Variants in SPECC1 observed in about 807,000 individuals in gnomAD.
SPECC1 encodes sperm antigen with calponin homology and coiled-coil domains 1, also known as cytospin-B.
Under a neutral mutation model 104.1 loss-of-function variants are expected in SPECC1, and 62 were observed. The ratio of observed to expected loss-of-function variants is 0.60; its 90% CI spans 0.49 to 0.74. The LOEUF (loss-of-function observed/expected upper bound fraction) is 0.74. Ranked by LOEUF, SPECC1 falls within the 30% of genes least tolerant of loss-of-function variation. The probability of loss-of-function intolerance (pLI) is 0.00; values close to 1 mark genes in which losing one functional copy is unlikely to be tolerated. For missense variants in SPECC1, 1,306 were observed against 1,310.5 expected (o/e 1.00, Z 0.05); for synonymous variants, 513 against 501.6 (o/e 1.02, Z -0.30).
rs549576967 is a variant in SPECC1 at position 20,105,099 on chromosome 17, T to C, written c.148-5328T>C. The stretch of plus-strand genomic sequence containing the variant: ...TACGCCAACTGCTTTCTCTTTTTTT[T>C]TTCGGTGGGGGGGCGGGAGACAGGG... On this transcript the variant is annotated intron_variant, in intron 2 of 14. Transcript: ENST00000395527. Among the ~76,000 whole-genome samples, 3 of 152,206 alleles carry C rather than the reference T, an allele frequency of 2.0e-5. No individual in the cohort carries two copies. In the South Asian group the frequency reaches 6.2e-4, roughly 32 times the overall value.
intron 12 of SPECC1, among the ~76,000 whole-genome samples, chr17:20,292,352 G>A (rs1567612429): frequency 6.6e-6 from 1 of 151,766 alleles, no homozygotes; most frequent in African/African-American, 2.4e-5. Flanking sequence ...TTGGGGGGGG[G>A]ACGGAGTTAA....
chr17:20,200,384 T>C (rs1479473642), intron 3 of SPECC1, among the ~76,000 whole-genome samples: 3 of 152,248 alleles, frequency 2.0e-5, no homozygotes, highest in Non-Finnish European at 2.9e-5. Context: ...ATGTTTCTTC[T>C]TTATGATTGT....
intron 1 of SPECC1, among the ~76,000 whole-genome samples, chr17:20,045,272 C>T (rs1276639406): frequency 1.3e-5 from 2 of 152,138 alleles, no homozygotes; most frequent in African/African-American, 2.4e-5. Flanking sequence ...ACATCCATAT[C>T]ACTCTTTTTG....
chr17:20,021,243 A>T (rs2044362970), intron 1 of SPECC1, among the ~76,000 whole-genome samples: 1 of 152,158 alleles, frequency 6.6e-6, no homozygotes, highest in South Asian at 2.1e-4. Flanking sequence ...GTAAGTGGAC[A>T]CAGGCAGTTC....
At chr17:20,312,374 C>T (rs1331021127) in intron 14 of SPECC1, among the ~76,000 whole-genome samples, 8 of 152,064 alleles carry the variant, frequency 5.3e-5, no homozygotes, top group Non-Finnish European at 1.5e-5. Context: ...TAACAATGTA[C>T]TAAATATTTT....
At chr17:20,123,049 A>G (rs541560201) in intron 3 of SPECC1, among the ~76,000 whole-genome samples, 1 of 152,310 alleles carries the variant, frequency 6.6e-6, no homozygotes, top group Admixed American at 6.5e-5. Flanking sequence ...GGTGTAGGGT[A>G]AGATTTCTGC....
At chr17:20,199,778 T>G (rs183525221) in intron 3 of SPECC1, among the ~76,000 whole-genome samples, 3 of 151,430 alleles carry the variant, frequency 2.0e-5, no homozygotes, top group African/African-American at 7.3e-5. Flanking sequence ...CAATACTTGT[T>G]ATCTTGTGTC....
chr17:20,304,281 T>A (rs9895177), intron 13 of SPECC1, among the ~76,000 whole-genome samples: 18,125 of 151,884 alleles, frequency 0.12, 1,113 homozygotes, highest in Non-Finnish European at 0.13. Context: ...CAGGGCGAGA[T>A]TCCATCTCAA....
intron 7 of SPECC1, among the ~76,000 whole-genome samples, chr17:20,242,596 G>T (rs1272807790): frequency 6.6e-6 from 1 of 152,170 alleles, no homozygotes; most frequent in Non-Finnish European, 1.5e-5. Flanking sequence ...AAATAACTTG[G>T]TAGTATTTTT....
rs1444464223 is a variant in SPECC1 at position 20,205,074 on chromosome 17, C to A, written c.1025C>A (p.Pro342His). The A allele has an allele frequency of 2.5e-6, 4 of 1,614,052 alleles. No individual in the cohort carries two copies. The highest frequency in any genetic ancestry group is 8.5e-7 in the Non-Finnish European group (1 of 1,180,034). Residue 342 changes from proline to histidine, a missense_variant, in exon 4 of 15, where the codon CCC becomes CAC. Pro to His is a moderately conservative substitution (Grantham distance 77). This residue lies in a region of SPECC1 where 1,177 missense variants were observed against 1,139.9 expected (regional missense o/e 1.03). Coordinates refer to ENST00000395527, the MANE Select transcript of SPECC1 (RefSeq NM_001243439.2). ...ATTACAGCAGAGACACCCTCAAGGC[C>A]CCTGTCCTCCACCAGTAACCCCTTT... The part of the protein sequence containing the change: ...EHITAETPSR[P>H]LSSTSNPFKS...
At chr17:20,261,540 G>A (rs192141738) in intron 12 of SPECC1, among the ~76,000 whole-genome samples, 1 of 146,082 alleles carries the variant, frequency 6.8e-6, no homozygotes, top group Admixed American at 6.8e-5. Context: ...CAAGCTCCCC[G>A]AGCAGTGATG....
intron 7 of SPECC1, chr17:20,237,876 GGGATTACA>G: frequency 3.8e-6 from 1 of 265,592 alleles, no homozygotes; most frequent in Non-Finnish European, 6.2e-6. Flanking sequence ...CCAAGTAGCT[GGGATTACA>G]GGCATGTGCC....
At chr17:20,225,278 C>G (rs190294050) in intron 4 of SPECC1, among the ~76,000 whole-genome samples, 1 of 152,294 alleles carries the variant, frequency 6.6e-6, no homozygotes, top group East Asian at 1.9e-4. Flanking sequence ...GGTGGTGTCT[C>G]ACTGGGTCAT....
intron 3 of SPECC1, among the ~76,000 whole-genome samples, chr17:20,168,384 T>C (rs991345632): frequency 1.3e-5 from 2 of 152,224 alleles, no homozygotes; most frequent in African/African-American, 2.4e-5. Flanking sequence ...ATGTCAGTAA[T>C]GCATTTAATA....
At chr17:20,279,775 G>T (rs1022051085) in intron 12 of SPECC1, among the ~76,000 whole-genome samples, 1 of 152,200 alleles carries the variant, frequency 6.6e-6, no homozygotes, top group Non-Finnish European at 1.5e-5. Context: ...GTGACAGGTG[G>T]TCTCCCAGCC....
intron 14 of SPECC1, among the ~76,000 whole-genome samples, chr17:20,311,036 G>A (rs905629711): frequency 2.0e-5 from 3 of 151,454 alleles, no homozygotes; most frequent in Non-Finnish European, 2.9e-5. Flanking sequence ...AGCGCATGCC[G>A]TCAACCACCC....
At chr17:20,081,937 G>T (rs539676643) in intron 1 of SPECC1, among the ~76,000 whole-genome samples, 2 of 152,116 alleles carry the variant, frequency 1.3e-5, no homozygotes, top group African/African-American at 4.8e-5. Context: ...CTGGCTGGCC[G>T]TTCAGACTCC....
At chr17:20,058,835 C>CTTTTTTTTTTTTT (rs58811372) in intron 1 of SPECC1, among the ~76,000 whole-genome samples, 2 of 103,574 alleles carry the variant, frequency 1.9e-5, no homozygotes, top group Non-Finnish European at 2.0e-5. Context: ...CACTTTATTT[C>CTTTTTTTTTTTTT]TTTTTTTTTT....
chr17:20,147,947 T>TG (rs1012424850), intron 3 of SPECC1, among the ~76,000 whole-genome samples: 1 of 151,688 alleles, frequency 6.6e-6, no homozygotes, highest in Admixed American at 6.6e-5. Flanking sequence ...GAGGCTGAGG[T>TG]GGGAGGATCA....
Sources: gnomAD v4.1 joint callset for allele counts (sites outside exome capture counted in the v4.1 genomes callset) on GRCh38, gnomAD v4.1.1 for gene constraint, gnomAD v4.1.1 regional missense constraint, MANE v1.5 for transcripts, NCBI Gene and HGNC (gene_info 2026-07-23, HGNC 2026-07-21) for gene names.